Variants in VDAC1 observed in about 807,000 individuals in gnomAD.
VDAC1 encodes the protein non-selective voltage-gated ion channel VDAC1.
VDAC1 carries 10 observed loss-of-function variants against 34.7 expected under a neutral mutation model. That is an observed-to-expected ratio of 0.29 (90% CI 0.18 to 0.49). The LOEUF (loss-of-function observed/expected upper bound fraction) is 0.49. Among genes scored for constraint, VDAC1 ranks in the 20% least tolerant of loss-of-function variants. VDAC1 has a pLI of 0.99. For synonymous variants in VDAC1, 130 were observed against 136.0 expected (o/e 0.96, Z 0.30); for missense variants, 230 against 347.9 (o/e 0.66, Z 2.69).
chr5:133,973,357 T>C (rs188178301), intron 8 of VDAC1, among the ~76,000 whole-genome samples: 1 of 152,226 alleles, frequency 6.6e-6, no homozygotes, highest in Non-Finnish European at 1.5e-5. Context: ...TTTCCAGGGT[T>C]CAAAAGTGGT....
At chr5:133,980,452 T>C (rs1264515788) in intron 6 of VDAC1, among the ~76,000 whole-genome samples, 1 of 152,128 alleles carries the variant, frequency 6.6e-6, no homozygotes, top group Non-Finnish European at 1.5e-5. Context: ...ACTGACACCA[T>C]GTCCCTGCTG....
At chr5:133,975,668 A>G (rs1181817938) in intron 7 of VDAC1, among the ~76,000 whole-genome samples, 1 of 151,802 alleles carries the variant, frequency 6.6e-6, no homozygotes, top group Non-Finnish European at 1.5e-5. Flanking sequence ...CGTGTTGGCG[A>G]GGCTGGTGTC....
chr5:134,046,952 G>A, the VDAC1 span, among the ~76,000 whole-genome samples: 1 of 152,316 alleles, frequency 6.6e-6, no homozygotes, highest in South Asian at 2.1e-4. Flanking sequence ...TTTTGTGGCT[G>A]CACTGTTAGA....
the VDAC1 span, among the ~76,000 whole-genome samples, chr5:134,055,627 A>G: frequency 1.1e-5 from 1 of 90,318 alleles, no homozygotes; most frequent in Non-Finnish European, 2.1e-5. Flanking sequence ...TTTAGTAGAG[A>G]CAGGGTTTCA....
chr5:134,024,435 A>G, the VDAC1 span, among the ~76,000 whole-genome samples: 1 of 151,274 alleles, frequency 6.6e-6, no homozygotes, highest in South Asian at 2.1e-4. Flanking sequence ...AGGCCGAAGC[A>G]GGAGAATTGC....
At chr5:134,019,402 A>G in the VDAC1 span, among the ~76,000 whole-genome samples, 1 of 152,010 alleles carries the variant, frequency 6.6e-6, no homozygotes, top group Admixed American at 6.6e-5. Flanking sequence ...ACATAGTGAG[A>G]CTCTGTCTCT....
the VDAC1 span, among the ~76,000 whole-genome samples, chr5:134,062,612 TTTG>T: frequency 1.4e-5 from 2 of 145,064 alleles, no homozygotes; most frequent in African/African-American, 5.6e-5. Flanking sequence ...ACAGCTTTTG[TTTG>T]TTTTTTGTTT....
At chr5:134,045,302 G>A in the VDAC1 span, among the ~76,000 whole-genome samples, 1 of 152,240 alleles carries the variant, frequency 6.6e-6, no homozygotes, top group Non-Finnish European at 1.5e-5. Context: ...CTGAAGTCCA[G>A]TGTATCAGCT....
At chr5:133,979,597 T>A (rs568591073) in intron 6 of VDAC1, among the ~76,000 whole-genome samples, 5 of 151,988 alleles carry the variant, frequency 3.3e-5, no homozygotes, top group Non-Finnish European at 7.4e-5. Flanking sequence ...GCCCAGCTAA[T>A]TTTTGTATTT....
intron 5 of VDAC1, among the ~76,000 whole-genome samples, chr5:133,982,936 G>A (rs1311784987): frequency 6.7e-6 from 1 of 149,742 alleles, no homozygotes; most frequent in Non-Finnish European, 1.5e-5. Context: ...AATTTGAACA[G>A]ACTAGAGATT....
the VDAC1 span, among the ~76,000 whole-genome samples, chr5:134,047,767 G>C: frequency 6.6e-6 from 1 of 152,206 alleles, no homozygotes; most frequent in Admixed American, 6.5e-5. Flanking sequence ...ACATGGCCCA[G>C]TGCTGTCACC....
At chr5:134,068,590 C>T in the VDAC1 span, among the ~76,000 whole-genome samples, 1 of 152,002 alleles carries the variant, frequency 6.6e-6, no homozygotes, top group Non-Finnish European at 1.5e-5. Context: ...GGTAATTTTT[C>T]TTTTTTCTGT....
chr5:134,014,271 C>T, the VDAC1 span, among the ~76,000 whole-genome samples: 1 of 152,074 alleles, frequency 6.6e-6, no homozygotes, highest in African/African-American at 2.4e-5. Context: ...GCCTGGATGA[C>T]AGAGTGAGAC....
intron 5 of VDAC1, among the ~76,000 whole-genome samples, chr5:133,988,503 A>G (rs1752983200): frequency 6.6e-6 from 1 of 151,640 alleles, no homozygotes. Flanking sequence ...GGAGAAACAC[A>G]TGAATCTGCC....
At chr5:134,090,394 A>G in the VDAC1 span, among the ~76,000 whole-genome samples, 1 of 152,252 alleles carries the variant, frequency 6.6e-6, no homozygotes, top group Admixed American at 6.5e-5. Flanking sequence ...AAATCCCCAG[A>G]TGGGAAGGGT....
the VDAC1 span, among the ~76,000 whole-genome samples, chr5:134,065,981 TG>T: frequency 6.6e-6 from 1 of 151,616 alleles, no homozygotes; most frequent in East Asian, 1.9e-4. Context: ...TTAGTAGAGA[TG>T]GGGGGTCTCA....
At chr5:134,070,811 A>G in the VDAC1 span, among the ~76,000 whole-genome samples, 3 of 152,192 alleles carry the variant, frequency 2.0e-5, no homozygotes, top group African/African-American at 7.2e-5. Flanking sequence ...TCCCAGTTCT[A>G]AGCAATGCTC....
At chr5:134,025,504 G>A in the VDAC1 span, among the ~76,000 whole-genome samples, 1 of 152,160 alleles carries the variant, frequency 6.6e-6, no homozygotes, top group Non-Finnish European at 1.5e-5. Flanking sequence ...GTAGGGGTGG[G>A]GGAAATGGAT....
the VDAC1 span, among the ~76,000 whole-genome samples, chr5:134,113,552 A>G: frequency 1.3e-5 from 2 of 152,192 alleles, no homozygotes; most frequent in Non-Finnish European, 2.9e-5. Flanking sequence ...CTCTATCCCA[A>G]CTGCTCTCAG....
Sources: gnomAD v4.1 joint callset for allele counts (sites outside exome capture counted in the v4.1 genomes callset) on GRCh38, gnomAD v4.1.1 for gene constraint, MANE v1.5 for transcripts, NCBI Gene and HGNC (gene_info 2026-07-23, HGNC 2026-07-21) for gene names.